The following SEMA6D variants were observed in gnomAD, a reference collection of about 807,000 sequenced individuals.
SEMA6D encodes the protein semaphorin 6D, also known as semaphorin-6D.
Under a neutral mutation model 106.6 loss-of-function variants are expected in SEMA6D, and 35 were observed. The ratio of observed to expected loss-of-function variants is 0.33; its 90% CI spans 0.25 to 0.44. The LOEUF is 0.44. Ranked by LOEUF, SEMA6D falls within the 20% of genes least tolerant of loss-of-function variation. The pLI is 1.00. For synonymous variants in SEMA6D, 499 were observed against 487.7 expected (o/e 1.02, Z -0.31); for missense variants, 1,185 against 1,345.9 (o/e 0.88, Z 1.87).
At chr15:47,514,289 T>C (rs1211862692) in intron 3 of SEMA6D, among the ~76,000 whole-genome samples, 1 of 152,204 alleles carries the variant, frequency 6.6e-6, no homozygotes, top group Non-Finnish European at 1.5e-5. Flanking sequence ...GGTCTATTCT[T>C]TTCTATGTGC....
chr15:47,531,537 G>C (rs989652), intron 3 of SEMA6D, among the ~76,000 whole-genome samples: 2 of 152,074 alleles, frequency 1.3e-5, no homozygotes, highest in African/African-American at 2.4e-5. Flanking sequence ...TAAAGGCACT[G>C]TATATATGTG....
intron 2 of SEMA6D, among the ~76,000 whole-genome samples, chr15:47,445,047 GCAAA>G (rs1232024190): frequency 6.6e-6 from 1 of 152,084 alleles, no homozygotes; most frequent in Non-Finnish European, 1.5e-5. Flanking sequence ...TGGCCATCCA[GCAAA>G]CAATCTTCTC....
intron 18 of SEMA6D, 132 bp from the exon 19 acceptor site, chr15:47,770,365 G>A (rs973331183): frequency 2.4e-5 from 15 of 631,856 alleles, no homozygotes; most frequent in Admixed American, 6.2e-5. Context: ...AAGGAATTTT[G>A]GAGTCTACTT....
At chr15:47,634,220 A>T (rs1463430207) in intron 4 of SEMA6D, among the ~76,000 whole-genome samples, 1 of 152,156 alleles carries the variant, frequency 6.6e-6, no homozygotes, top group Admixed American at 6.5e-5. Flanking sequence ...AAAATGGGTC[A>T]CTTACTCATA....
intron 3 of SEMA6D, among the ~76,000 whole-genome samples, chr15:47,561,352 A>C (rs2046075991): frequency 6.6e-6 from 1 of 152,126 alleles, no homozygotes; most frequent in Non-Finnish European, 1.5e-5. Context: ...AGGAAAAAAA[A>C]TCTTGTCAAC....
chr15:47,765,704 A>C (rs1597077219), intron 13 of SEMA6D, 165 bp from the exon 14 acceptor site: 1 of 645,038 alleles, frequency 1.6e-6, no homozygotes, highest in Non-Finnish European at 2.3e-6. Context: ...CCAACCATGC[A>C]GAGAAGTAGA....
intron 1 of SEMA6D, among the ~76,000 whole-genome samples, chr15:47,278,875 T>C (rs1402173473): frequency 6.8e-6 from 1 of 147,462 alleles, no homozygotes; most frequent in Non-Finnish European, 1.5e-5. Context: ...TAGGGAATCC[T>C]TTCCCCATTG....
Position 47,357,053 on chromosome 15 carries a change from G to A in SEMA6D, c.-238-55340G>A, listed in dbSNP as rs1382423525. 3.3e-5 allele frequency among the ~76,000 whole-genome samples: 5 copies of A among 151,572 alleles called. No individual in the cohort carries two copies. The East Asian group carries it at 5.9e-4, about 18-fold the overall frequency. ...ATGCTTACATAAAATGGGGCTGTGC[G>A]GCTGGATGCGGTGGCTCTCGTCTGT... On this transcript the variant is annotated intron_variant, in intron 1 of 19. Coordinates refer to the SEMA6D transcript ENST00000558014.
chr15:47,269,098 C>T (rs976403242), intron 1 of SEMA6D, among the ~76,000 whole-genome samples: 5 of 152,038 alleles, frequency 3.3e-5, no homozygotes, highest in Non-Finnish European at 7.4e-5. Flanking sequence ...ATATATGATT[C>T]TGAGAAGTTT....
intron 4 of SEMA6D, among the ~76,000 whole-genome samples, chr15:47,683,595 G>C (rs977068192): frequency 3.3e-5 from 5 of 151,930 alleles, no homozygotes; most frequent in African/African-American, 1.2e-4. Context: ...GATATATTTG[G>C]TTATATATCT....
chr15:47,396,821 C>T (rs976051958), intron 1 of SEMA6D: 2 of 152,036 alleles, frequency 1.3e-5, no homozygotes, highest in African/African-American at 4.8e-5. Flanking sequence ...CACAGGGGCC[C>T]AGTGCAAAAT....
At chr15:47,761,467 A>G in intron 6 of SEMA6D, 36 bp downstream of exon 6, 1 of 1,524,398 alleles carries the variant, frequency 6.6e-7, no homozygotes, top group Non-Finnish European at 9.0e-7. Flanking sequence ...TCTTTTGATC[A>G]ACTTTTCTCC....
At chr15:47,322,305 A>G (rs527738741) in intron 1 of SEMA6D, among the ~76,000 whole-genome samples, 26 of 144,584 alleles carry the variant, frequency 1.8e-4, no homozygotes, top group African/African-American at 6.4e-4. Context: ...GCCTAATGTC[A>G]TTTTTCAATT....
At chr15:47,743,644 G>A (rs1253074679) in intron 1 of SEMA6D, among the ~76,000 whole-genome samples, 1 of 152,172 alleles carries the variant, frequency 6.6e-6, no homozygotes, top group Non-Finnish European at 1.5e-5. Flanking sequence ...GGTGGGAAGT[G>A]ATTTCTCATG....
chr15:47,552,832 A>T (rs377430769), intron 3 of SEMA6D, among the ~76,000 whole-genome samples: 934 of 38,214 alleles, frequency 0.024, 49 homozygotes, highest in South Asian at 0.067. Context: ...ATATATTTTT[A>T]TATATATATA....
rs1281072964 is a variant in SEMA6D, at chr15:47,372,204, T to C, written c.-238-40189T>C. ...GGCACCCAGCCTCTAGCTTCATCTG[T>C]TTATAGTTCTTCTTAGTAGCCATAT... On this transcript the variant is annotated intron_variant, in intron 1 of 19. Transcript: ENST00000558014. 5.9e-5 allele frequency among the ~76,000 whole-genome samples: 9 copies of C among 152,300 alleles called. No individual in the cohort carries two copies. In the South Asian group the frequency reaches 1.7e-3, roughly 28 times the overall value.
chr15:47,373,940 G>T (rs2039361667), intron 1 of SEMA6D, among the ~76,000 whole-genome samples: 2 of 152,098 alleles, frequency 1.3e-5, no homozygotes, highest in South Asian at 4.1e-4. Flanking sequence ...CATGAGCAGG[G>T]GTCATGGCGA....
At chr15:47,288,881 G>T (rs1234445111) in intron 1 of SEMA6D, among the ~76,000 whole-genome samples, 1 of 152,132 alleles carries the variant, frequency 6.6e-6, no homozygotes, top group Non-Finnish European at 1.5e-5. Flanking sequence ...AAATAATTCT[G>T]ATTGGGAGCA....
At chr15:47,323,675 C>T (rs2037013381) in intron 1 of SEMA6D, among the ~76,000 whole-genome samples, 1 of 152,098 alleles carries the variant, frequency 6.6e-6, no homozygotes, top group South Asian at 2.1e-4. Flanking sequence ...CGGAGTTTCA[C>T]CAGGGATCTG....
Sources: gnomAD v4.1 joint callset for allele counts (sites outside exome capture counted in the v4.1 genomes callset) on GRCh38, gnomAD v4.1.1 for gene constraint, MANE v1.5 for transcripts, NCBI Gene and HGNC (gene_info 2026-07-23, HGNC 2026-07-21) for gene names.